Variants in ROBO2 observed in about 807,000 individuals in gnomAD.
The protein encoded by ROBO2 is roundabout homolog 2.
ROBO2 carries 53 observed loss-of-function variants against 160.8 expected under a neutral mutation model. The observed-to-expected ratio is 0.33, with a 90% CI of 0.26 to 0.41. ROBO2 has a LOEUF of 0.41. Ranked by LOEUF, ROBO2 falls within the 10% of genes least tolerant of loss-of-function variation. ROBO2 has a pLI of 1.00. For synonymous variants in ROBO2, 664 were observed against 611.7 expected (o/e 1.09, Z -1.26); for missense variants, 1,577 against 1,722.4 (o/e 0.92, Z 1.49).
At chr3:77,273,491 C>T (rs898700607) in intron 2 of ROBO2, among the ~76,000 whole-genome samples, 11 of 152,040 alleles carry the variant, frequency 7.2e-5, no homozygotes, top group Non-Finnish European at 1.6e-4. Flanking sequence ...GTAATCTAGC[C>T]GTTTTATTTA....
At chr3:76,951,624 T>G (rs1254747278) in intron 2 of ROBO2, among the ~76,000 whole-genome samples, 1 of 152,218 alleles carries the variant, frequency 6.6e-6, no homozygotes, top group African/African-American at 2.4e-5. Flanking sequence ...TGTTTCATAT[T>G]ATCATGCTTG....
chr3:76,377,724 A>G (rs1466961907), intron 2 of ROBO2, among the ~76,000 whole-genome samples: 5 of 152,194 alleles, frequency 3.3e-5, no homozygotes, highest in African/African-American at 4.8e-5. Flanking sequence ...TATACTAAAA[A>G]TACCTAGCAA....
chr3:76,404,188 A>G (rs549292853), intron 2 of ROBO2, among the ~76,000 whole-genome samples: 1 of 151,802 alleles, frequency 6.6e-6, no homozygotes, highest in Non-Finnish European at 1.5e-5. Context: ...TCACATTCAC[A>G]TAGAAGGATT....
At chr3:77,473,041 G>T (rs561660100) in intron 2 of ROBO2, among the ~76,000 whole-genome samples, 2 of 152,196 alleles carry the variant, frequency 1.3e-5, no homozygotes, top group East Asian at 1.9e-4. Flanking sequence ...ACCCTCCCTT[G>T]TGCAGAGGGA....
intron 24 of ROBO2, among the ~76,000 whole-genome samples, chr3:77,637,865 A>C (rs572174574): frequency 3.5e-4 from 53 of 152,292 alleles, no homozygotes; most frequent in Non-Finnish European, 6.9e-4. Context: ...TCCTTAAAGC[A>C]AGCTACCTCC....
intron 2 of ROBO2, among the ~76,000 whole-genome samples, chr3:77,227,830 T>C (rs2086668150): frequency 6.6e-6 from 1 of 152,220 alleles, no homozygotes; most frequent in Admixed American, 6.5e-5. Flanking sequence ...GTCAAGTCAG[T>C]CAAAATAGTG....
chr3:77,211,214 A>T (rs2084107005), intron 2 of ROBO2, among the ~76,000 whole-genome samples: 1 of 152,110 alleles, frequency 6.6e-6, no homozygotes, highest in South Asian at 2.1e-4. Flanking sequence ...AACAGTGTAA[A>T]AGTGTTCCTA....
chr3:76,401,966 A>G (rs1300087312), intron 2 of ROBO2, among the ~76,000 whole-genome samples: 1 of 151,506 alleles, frequency 6.6e-6, no homozygotes, highest in Non-Finnish European at 1.5e-5. Context: ...TCATTTGATC[A>G]GTACGAGAGG....
chr3:76,394,022 C>T (rs1046894336), intron 2 of ROBO2, among the ~76,000 whole-genome samples: 9 of 152,216 alleles, frequency 5.9e-5, no homozygotes, highest in African/African-American at 2.2e-4. Context: ...ATGTGTGTCT[C>T]TGCACGTGAG....
At chr3:76,247,910 T>G (rs1246184330) in intron 2 of ROBO2, among the ~76,000 whole-genome samples, 3 of 151,690 alleles carry the variant, frequency 2.0e-5, no homozygotes, top group African/African-American at 7.3e-5. Flanking sequence ...TCACTGGCCA[T>G]CAGAGAAATG....
At chr3:77,208,056 T>C (rs1295625917) in intron 2 of ROBO2, among the ~76,000 whole-genome samples, 1 of 152,182 alleles carries the variant, frequency 6.6e-6, no homozygotes, top group African/African-American at 2.4e-5. Flanking sequence ...AAGAGTAAGA[T>C]GTGCGCATTA....
At chr3:76,175,919 A>C (rs2073213459) in intron 2 of ROBO2, among the ~76,000 whole-genome samples, 1 of 152,146 alleles carries the variant, frequency 6.6e-6, no homozygotes, top group African/African-American at 2.4e-5. Flanking sequence ...TTTTAGCAGA[A>C]AATTCAGAAG....
intron 2 of ROBO2, among the ~76,000 whole-genome samples, chr3:77,100,950 G>C (rs2071831175): frequency 6.6e-6 from 1 of 152,194 alleles, no homozygotes; most frequent in South Asian, 2.1e-4. Flanking sequence ...AGAAAGAATG[G>C]AAGCTTAAAT....
At chr3:76,835,393 TTATA>T (rs2067591354) in intron 2 of ROBO2, among the ~76,000 whole-genome samples, 1 of 147,796 alleles carries the variant, frequency 6.8e-6, no homozygotes, top group African/African-American at 2.5e-5. Context: ...ATTATATGTA[TTATA>T]TATAATAATA....
chr3:77,575,843 T>C (rs2093749270), intron 14 of ROBO2, among the ~76,000 whole-genome samples: 1 of 152,098 alleles, frequency 6.6e-6, no homozygotes, highest in African/African-American at 2.4e-5. Context: ...TGAAGCCTGT[T>C]ACCAAAATCA....
At chr3:76,601,906 A>T (rs2108955464) in intron 2 of ROBO2, among the ~76,000 whole-genome samples, 1 of 152,238 alleles carries the variant, frequency 6.6e-6, no homozygotes, top group East Asian at 1.9e-4. Context: ...TTCCTGTATA[A>T]ATCTAAATGC....
At chr3:77,516,334 A>C (rs2090014268) in intron 5 of ROBO2, among the ~76,000 whole-genome samples, 1 of 151,614 alleles carries the variant, frequency 6.6e-6, no homozygotes, top group African/African-American at 2.4e-5. Context: ...TTTACCTACC[A>C]GAATTGTTAA....
intron 2 of ROBO2, among the ~76,000 whole-genome samples, chr3:76,264,136 A>G (rs576791511): frequency 6.6e-6 from 1 of 152,248 alleles, no homozygotes; most frequent in South Asian, 2.1e-4. Context: ...CTTAAAACCT[A>G]GATGACAGGT....
chr3:76,193,296 C>T (rs544883021), intron 2 of ROBO2, among the ~76,000 whole-genome samples: 2 of 152,256 alleles, frequency 1.3e-5, no homozygotes, highest in South Asian at 4.1e-4. Context: ...CCCACACATA[C>T]AGCTAGCTAC....
Sources: gnomAD v4.1 joint callset for allele counts (sites outside exome capture counted in the v4.1 genomes callset) on GRCh38, gnomAD v4.1.1 for gene constraint, MANE v1.5 for transcripts, NCBI Gene and HGNC (gene_info 2026-07-23, HGNC 2026-07-21) for gene names.